Variants in IL34 observed in about 807,000 individuals in gnomAD.
IL34 encodes the protein interleukin-34.
A neutral mutation model predicts 25.3 loss-of-function variants in IL34; 17 were observed. The observed-to-expected ratio is 0.67, with a 90% CI of 0.46 to 1.01. The LOEUF (loss-of-function observed/expected upper bound fraction) is 1.01. Among genes scored for constraint, IL34 ranks in the 50% least tolerant of loss-of-function variants. The probability of loss-of-function intolerance (pLI) is 0.00; values close to 1 mark genes in which losing one functional copy is unlikely to be tolerated. For missense variants in IL34, 368 were observed against 312.9 expected (o/e 1.18, Z -1.33); for synonymous variants, 174 against 140.9 (o/e 1.23, Z -1.66).
At chr16:70,614,856 G>A (rs1043116365) in intron 1 of IL34, among the ~76,000 whole-genome samples, 3 of 152,192 alleles carry the variant, frequency 2.0e-5, no homozygotes, top group Admixed American at 1.3e-4. Context: ...GGTAGATCTT[G>A]TAGGTCTTGC....
At chr16:70,609,496 G>A (rs959791295) in intron 1 of IL34, among the ~76,000 whole-genome samples, 2 of 152,104 alleles carry the variant, frequency 1.3e-5, no homozygotes, top group Non-Finnish European at 2.9e-5. Flanking sequence ...ATGACACCCG[G>A]AGGTGTGGGG....
At chr16:70,616,883 G>A (rs544589088) in intron 1 of IL34, among the ~76,000 whole-genome samples, 112 of 152,320 alleles carry the variant, frequency 7.4e-4, no homozygotes, top group African/African-American at 2.6e-3. Flanking sequence ...CACAGGGGAT[G>A]CGATGGCTTG....
chr16:70,656,608 T>A lies in IL34; in HGVS notation c.169T>A (p.Tyr57Asn). Residue 57 changes from tyrosine (Y) to asparagine (N), a missense_variant, in exon 3 of 6, where the codon TAC (tyrosine) becomes AAC (asparagine). Physicochemically the swap from Tyr to Asn is moderately radical, Grantham distance 143. Coordinates refer to ENST00000288098, the MANE Select transcript of IL34 (RefSeq NM_001393494.1). ...YRSRLQYMKH[Y>N]FPINYKISVP... ...TGTTCTTGTGCCTCTCCAGAAACAC[T>A]ACTTCCCCATCAACTACAAGATCAG... 7.5e-7 allele frequency: 1 copy of A among 1,331,124 alleles called. No individual in the cohort carries two copies. Among genetic ancestry groups the A allele is most frequent in the Non-Finnish European group, 1.1e-6 (1 of 921,346 alleles). The allele number at this position is 1,331,124 out of a possible 1,614,324, so 82.5% of individuals were successfully genotyped here. A position where few individuals can be genotyped will look rare whatever the true frequency, so the allele number is the denominator to read the frequency against.
At chr16:70,622,836 G>T (rs962686750) in intron 1 of IL34, among the ~76,000 whole-genome samples, 2 of 152,028 alleles carry the variant, frequency 1.3e-5, no homozygotes, top group African/African-American at 4.8e-5. Context: ...AGCATAGTTT[G>T]CGATTTTTAG....
At chr16:70,652,709 T>C (rs2052111087) in intron 1 of IL34, among the ~76,000 whole-genome samples, 2 of 135,136 alleles carry the variant, frequency 1.5e-5, no homozygotes, top group Admixed American at 1.5e-4. Context: ...TTATTGGTTA[T>C]ATCTTTTTTG....
chr16:70,582,111 G>A (rs1240413205), intron 1 of IL34, among the ~76,000 whole-genome samples: 1 of 152,178 alleles, frequency 6.6e-6, no homozygotes, highest in Non-Finnish European at 1.5e-5. Context: ...TCTTGGCCCA[G>A]AGCCTATTCT....
chr16:70,613,629 T>A (rs1168787345), intron 1 of IL34, among the ~76,000 whole-genome samples: 1 of 151,768 alleles, frequency 6.6e-6, no homozygotes, highest in Non-Finnish European at 1.5e-5. Flanking sequence ...ATCCCAACAC[T>A]TTGGGAGGCT....
chr16:70,595,120 A>G (rs1045670356), intron 1 of IL34, among the ~76,000 whole-genome samples: 3 of 151,684 alleles, frequency 2.0e-5, no homozygotes, highest in Admixed American at 1.3e-4. Context: ...ACACCCAACT[A>G]ATTTTTTTTC....
chr16:70,629,024 A>C (rs1597758195), intron 1 of IL34, among the ~76,000 whole-genome samples: 1 of 152,146 alleles, frequency 6.6e-6, no homozygotes, highest in East Asian at 1.9e-4. Flanking sequence ...TCCTGGCCTC[A>C]AGTGATCCTC....
chr16:70,609,038 T>A (rs114632555), intron 1 of IL34, among the ~76,000 whole-genome samples: 1,560 of 152,274 alleles, frequency 0.01, 31 homozygotes, highest in African/African-American at 0.036. Context: ...ATAATTCTTT[T>A]ATTTTTTATT....
At chr16:70,655,609 C>A (rs760722689) in intron 2 of IL34, among the ~76,000 whole-genome samples, 8 of 151,998 alleles carry the variant, frequency 5.3e-5, no homozygotes, top group Non-Finnish European at 1.2e-4. Context: ...CCAGGGTGGT[C>A]TTGAACTCCT....
At chr16:70,632,037 G>A (rs1597760187) in intron 1 of IL34, among the ~76,000 whole-genome samples, 1 of 151,506 alleles carries the variant, frequency 6.6e-6, no homozygotes, top group Non-Finnish European at 1.5e-5. Context: ...GGGAGGTCAA[G>A]GCTGCAGTGA....
chr16:70,638,090 G>A (rs1000102642), intron 1 of IL34, among the ~76,000 whole-genome samples: 1 of 152,170 alleles, frequency 6.6e-6, no homozygotes, highest in African/African-American at 2.4e-5. Flanking sequence ...ACAAATCAGT[G>A]TAAAAAGTGG....
At chr16:70,595,251 G>A (rs976349268) in intron 1 of IL34, among the ~76,000 whole-genome samples, 6 of 151,974 alleles carry the variant, frequency 3.9e-5, no homozygotes, top group Non-Finnish European at 7.4e-5. Flanking sequence ...GTGAGCCACC[G>A]TGCCTGGCCT....
At chr16:70,606,882 CCAGA>C (rs1341855984) in intron 1 of IL34, among the ~76,000 whole-genome samples, 1 of 152,088 alleles carries the variant, frequency 6.6e-6, no homozygotes, top group Non-Finnish European at 1.5e-5. Flanking sequence ...GCCATCGTGC[CCAGA>C]CAGTTCTTTT....
Position 70,660,143 on chromosome 16 carries a change from TCGGTGAGGC to T in IL34, c.690_698del (p.Pro232_Arg234del). 6.2e-7 allele frequency: 1 copy of T among 1,609,522 alleles called. No homozygotes were observed. The highest frequency in any genetic ancestry group is 1.1e-5 in the South Asian group (1 of 90,424). The stretch of plus-strand genomic sequence containing the variant: ...CAGCTCCCCGCCTCACTCCACGGGC[TCGGTGAGGC>T]CGGTCAGGGCACAGGGCGAGGGCCT... On this transcript the variant is annotated inframe_deletion, in exon 6 of 6. Transcript: ENST00000288098.
exon 6 of IL34, chr16:70,660,677 C>CTTTGG (rs2052386413): frequency 1.9e-5 from 3 of 157,870 alleles, no homozygotes; most frequent in African/African-American, 7.2e-5. Context: ...ACCCCACTTC[C>CTTTGG]TTTGGTTTGC....
chr16:70,636,683 G>A (rs1423457603), intron 1 of IL34, among the ~76,000 whole-genome samples: 1 of 151,694 alleles, frequency 6.6e-6, no homozygotes, highest in East Asian at 1.9e-4. Flanking sequence ...GTGGGAGGAT[G>A]CCTTGAGCCC....
intron 1 of IL34, among the ~76,000 whole-genome samples, chr16:70,624,465 C>T (rs530192387): frequency 7.9e-5 from 12 of 152,074 alleles, no homozygotes; most frequent in African/African-American, 9.6e-5. Context: ...TATTTAATGT[C>T]GGGAGCACAT....
Sources: gnomAD v4.1 joint callset for allele counts (sites outside exome capture counted in the v4.1 genomes callset) on GRCh38, gnomAD v4.1.1 for gene constraint, MANE v1.5 for transcripts, NCBI Gene and HGNC (gene_info 2026-07-23, HGNC 2026-07-21) for gene names.